The following KCNAB1 variants were observed in gnomAD, a reference collection of about 807,000 sequenced individuals.
The protein encoded by KCNAB1 is voltage-gated potassium channel subunit beta-1.
In KCNAB1, 35 loss-of-function variants were observed where a neutral mutation model predicts 64.6. The ratio of observed to expected loss-of-function variants is 0.54; its 90% CI spans 0.41 to 0.72. The LOEUF (loss-of-function observed/expected upper bound fraction) is 0.72, where lower values mean the gene tolerates loss of function less well. Among genes scored for constraint, KCNAB1 ranks in the 30% least tolerant of loss-of-function variants. The pLI, the probability that KCNAB1 is intolerant of heterozygous loss-of-function variation, is 0.00. For missense variants in KCNAB1, 401 were observed against 512.9 expected (o/e 0.78, Z 2.11); for synonymous variants, 177 against 183.8 (o/e 0.96, Z 0.30).
intron 1 of KCNAB1, among the ~76,000 whole-genome samples, chr3:156,251,838 G>T (rs1717848010): frequency 6.6e-6 from 1 of 152,132 alleles, no homozygotes; most frequent in African/African-American, 2.4e-5. Context: ...TTTTAAACCT[G>T]TCTATAAAGA....
At chr3:156,246,888 C>G (rs1254323482) in intron 1 of KCNAB1, among the ~76,000 whole-genome samples, 1 of 152,110 alleles carries the variant, frequency 6.6e-6, no homozygotes, top group Non-Finnish European at 1.5e-5. Context: ...TGTGTAAGTG[C>G]TCTGTAACCT....
intron 1 of KCNAB1, among the ~76,000 whole-genome samples, chr3:156,301,379 C>T (rs1332466594): frequency 4.6e-5 from 7 of 152,168 alleles, no homozygotes; most frequent in Admixed American, 3.3e-4. Context: ...ACTCACTACT[C>T]AATTTCCTAT....
At position 156,536,968 on chromosome 3, in the gene KCNAB1, T is replaced by G; in HGVS notation, c.*221T>G. ...TCTATTTTCTTATCTTGGACTGGAGTCACCTATTCTTGCATTGCTGTATAC... is the reference window on the plus strand; with the variant it reads ...TCTATTTTCTTATCTTGGACTGGAGGCACCTATTCTTGCATTGCTGTATAC... On this transcript the variant is annotated 3_prime_UTR_variant, in exon 14 of 14. Coordinates refer to ENST00000490337, the MANE Select transcript of KCNAB1 (RefSeq NM_172160.3). 1.7e-6 allele frequency: 1 copy of G among 590,830 alleles called. No homozygotes were observed. Among genetic ancestry groups the G allele is most frequent in the Non-Finnish European group, 3.0e-6 (1 of 333,038 alleles). The allele number at this position is 590,830 out of a possible 1,614,324, so 36.6% of individuals were successfully genotyped here. A position where few individuals can be genotyped will look rare whatever the true frequency, so the allele number is the denominator to read the frequency against.
chr3:156,248,929 A>G (rs1479697303), intron 1 of KCNAB1, among the ~76,000 whole-genome samples: 5 of 151,932 alleles, frequency 3.3e-5, no homozygotes, highest in Admixed American at 3.3e-4. Flanking sequence ...CCATGTGCCT[A>G]TGTTTGGTCC....
At chr3:156,284,991 G>A (rs866016301) in intron 1 of KCNAB1, among the ~76,000 whole-genome samples, 2 of 152,032 alleles carry the variant, frequency 1.3e-5, no homozygotes, top group East Asian at 1.9e-4. Flanking sequence ...CTCCTCCCCC[G>A]GGGAATACTT....
intron 1 of KCNAB1, among the ~76,000 whole-genome samples, chr3:156,407,013 G>A (rs974252863): frequency 9.9e-5 from 15 of 152,150 alleles, no homozygotes; most frequent in African/African-American, 3.6e-4. Flanking sequence ...TCCAGCAAAG[G>A]TTAATCCACT....
intron 1 of KCNAB1, among the ~76,000 whole-genome samples, chr3:156,332,753 TAAAATAATAATA>T (rs1723430663): frequency 1.3e-5 from 2 of 152,200 alleles, no homozygotes; most frequent in Non-Finnish European, 2.9e-5. Flanking sequence ...GGTAAAATTT[TAAAATAATAATA>T]AAATTGTGGT....
At position 156,516,298 on chromosome 3, in the gene KCNAB1, T is replaced by G; in HGVS notation, c.894T>G (p.Leu298=). 1.2e-6 allele frequency: 2 copies of G among 1,613,906 alleles called. No homozygotes were observed. Among genetic ancestry groups the G allele is most frequent in the Non-Finnish European group, 1.7e-6 (2 of 1,179,750 alleles). The stretch of plus-strand genomic sequence containing the variant: ...TTGGCGCAATGACATGGTCTCCACT[T>G]GCCTGTGGAATCATCTCAGGAAAAT... ...IGVGAMTWSP[L]ACGIISGKYG... The change falls in exon 11 of 14, where the codon CTT becomes CTG. Residue 298 remains leucine, a synonymous_variant. Transcript: ENST00000490337.
intron 1 of KCNAB1, among the ~76,000 whole-genome samples, chr3:156,386,984 C>T (rs1267083394): frequency 5.2e-5 from 7 of 135,358 alleles, no homozygotes; most frequent in Admixed American, 3.0e-4. Context: ...TGCTTGCTTG[C>T]TTTCTCTTGC....
In KCNAB1 at chr3:156,462,999, T is replaced by C. The variant is rs542992334; in HGVS notation, c.483-703T>C. ...TATGCACATTTCATTCCCCTAGCAGTAAAATGGTAGAAACTTGAGTTAAGG... is the reference window on the plus strand; with the variant it reads ...TATGCACATTTCATTCCCCTAGCAGCAAAATGGTAGAAACTTGAGTTAAGG... On this transcript the variant is annotated intron_variant, in intron 5 of 13. Transcript: ENST00000490337. Among the ~76,000 whole-genome samples the C allele has an allele frequency of 7.2e-5, 11 of 152,316 alleles. No homozygotes were observed. The South Asian group carries it at 8.3e-4, about 11-fold the overall frequency.
intron 1 of KCNAB1, among the ~76,000 whole-genome samples, chr3:156,327,626 A>G (rs1306552581): frequency 6.6e-6 from 1 of 152,190 alleles, no homozygotes; most frequent in Non-Finnish European, 1.5e-5. Flanking sequence ...CATTCATTGT[A>G]GCATGGGAAT....
chr3:156,325,243 C>T (rs1016766273), intron 1 of KCNAB1, among the ~76,000 whole-genome samples: 8 of 152,014 alleles, frequency 5.3e-5, no homozygotes, highest in Admixed American at 2.6e-4. Context: ...GAGATCTAAA[C>T]GCAATTTTGT....
chr3:156,437,763 A>T (rs906174517), intron 2 of KCNAB1, among the ~76,000 whole-genome samples: 1 of 152,326 alleles, frequency 6.6e-6, no homozygotes, highest in South Asian at 2.1e-4. Flanking sequence ...ATAGTCTGTA[A>T]TTCTTTATTT....
At chr3:156,431,038 C>T (rs1292436618) in intron 2 of KCNAB1, among the ~76,000 whole-genome samples, 6 of 152,160 alleles carry the variant, frequency 3.9e-5, no homozygotes, top group African/African-American at 7.2e-5. Context: ...TCTTGGCCCA[C>T]GATCAGGTGT....
intron 1 of KCNAB1, among the ~76,000 whole-genome samples, chr3:156,221,420 C>A (rs35186736): frequency 0.11 from 17,151 of 152,116 alleles, 1,220 homozygotes; most frequent in Non-Finnish European, 0.16. Context: ...GATTTCTCAG[C>A]AGAAACCATA....
chr3:156,519,815 TA>T (rs1279284414), intron 11 of KCNAB1, among the ~76,000 whole-genome samples: 2 of 152,196 alleles, frequency 1.3e-5, no homozygotes, highest in Non-Finnish European at 2.9e-5. Flanking sequence ...GCATGTAACC[TA>T]AGATAAAAGC....
chr3:156,213,215 C>CTTTTTTTTTTTTT (rs5853744), intron 1 of KCNAB1, among the ~76,000 whole-genome samples: 1 of 142,874 alleles, frequency 7.0e-6, no homozygotes, highest in Non-Finnish European at 1.5e-5. Flanking sequence ...GTCTCTTTCA[C>CTTTTTTTTTTTTT]TTTTTTTTTT....
chr3:156,340,537 A>G (rs1234035431), intron 1 of KCNAB1, among the ~76,000 whole-genome samples: 1 of 152,172 alleles, frequency 6.6e-6, no homozygotes. Context: ...GGACTACGTG[A>G]CCAAGTTTGG....
chr3:156,189,016 C>G (rs937961358), intron 1 of KCNAB1, among the ~76,000 whole-genome samples: 18 of 152,158 alleles, frequency 1.2e-4, no homozygotes, highest in African/African-American at 4.3e-4. Context: ...TGGAGCCTAC[C>G]TTGACTCAAG....
Sources: allele counts gnomAD v4.1 joint callset (sites outside exome capture counted in the v4.1 genomes callset), GRCh38; gene constraint gnomAD v4.1.1; transcripts MANE v1.5; gene names NCBI Gene and HGNC (gene_info 2026-07-23, HGNC 2026-07-21).